The following ROBO2 variants were observed in gnomAD, a reference collection of about 807,000 sequenced individuals.
The protein encoded by ROBO2 is roundabout guidance receptor 2.
ROBO2 carries 53 observed loss-of-function variants against 160.8 expected under a neutral mutation model. That is an observed-to-expected ratio of 0.33 (90% CI 0.26 to 0.41). The LOEUF (loss-of-function observed/expected upper bound fraction) is 0.41, where lower values mean the gene tolerates loss of function less well. Among genes scored for constraint, ROBO2 ranks in the 10% least tolerant of loss-of-function variants. The probability of loss-of-function intolerance (pLI) is 1.00; values close to 1 mark genes in which losing one functional copy is unlikely to be tolerated. For synonymous variants in ROBO2, 664 were observed against 611.7 expected (o/e 1.09, Z -1.26); for missense variants, 1,577 against 1,722.4 (o/e 0.92, Z 1.49).
chr3:76,714,586 T>A (rs1472845064), intron 2 of ROBO2, among the ~76,000 whole-genome samples: 8 of 152,128 alleles, frequency 5.3e-5, no homozygotes. Context: ...ACAGAAATCT[T>A]AAGGGAACAG....
intron 2 of ROBO2, among the ~76,000 whole-genome samples, chr3:77,165,433 G>T (rs1421151670): frequency 2.7e-5 from 4 of 147,994 alleles, no homozygotes; most frequent in Admixed American, 2.0e-4. Context: ...GCGGAAGGCC[G>T]CAGGGTCCTC....
intron 2 of ROBO2, among the ~76,000 whole-genome samples, chr3:77,365,150 G>GAAAAAAAAAAAA: frequency 7.4e-6 from 1 of 134,350 alleles, no homozygotes. Flanking sequence ...TCCATCTCAG[G>GAAAAAAAAAAAA]AAAAAAAAAA....
chr3:76,684,991 C>T (rs936238019), intron 2 of ROBO2, among the ~76,000 whole-genome samples: 10 of 151,642 alleles, frequency 6.6e-5, no homozygotes, highest in Non-Finnish European at 1.2e-4. Context: ...AAAAGTCTTT[C>T]CACCACCCAT....
At chr3:76,365,173 A>G (rs573010759) in intron 2 of ROBO2, among the ~76,000 whole-genome samples, 23 of 152,134 alleles carry the variant, frequency 1.5e-4, no homozygotes, top group Admixed American at 5.9e-4. Context: ...TGGTAGTATC[A>G]CCTGTATCTG....
At chr3:76,897,130 A>T (rs1395748799) in intron 2 of ROBO2, among the ~76,000 whole-genome samples, 1 of 152,164 alleles carries the variant, frequency 6.6e-6, no homozygotes, top group African/African-American at 2.4e-5. Flanking sequence ...ATTGTACCTA[A>T]AACTACGTTA....
rs547010050 is a variant in ROBO2, at chr3:76,618,885, C to A, written c.110-479129C>A. ...TTGAATAGATTGATAGGAGAGCCCA[C>A]AAGAAAAACTAAAGTGTGTTCACCC... On this transcript the variant is annotated intron_variant, in intron 2 of 26. Coordinates refer to the ROBO2 transcript ENST00000487694. Among the ~76,000 whole-genome samples the A allele has an allele frequency of 5.0e-4, 76 of 151,854 alleles. 1 individual carries two copies. Among genetic ancestry groups the A allele is most frequent in the African/African-American group, 1.8e-3 (74 of 41,258 alleles).
At chr3:77,351,261 C>T (rs758205125) in intron 2 of ROBO2, among the ~76,000 whole-genome samples, 4 of 152,058 alleles carry the variant, frequency 2.6e-5, no homozygotes, top group Non-Finnish European at 4.4e-5. Context: ...GCGACATAAA[C>T]ATATCAAAAC....
chr3:77,407,864 G>A (rs548615146), intron 2 of ROBO2, among the ~76,000 whole-genome samples: 3 of 152,242 alleles, frequency 2.0e-5, no homozygotes, highest in South Asian at 2.1e-4. Context: ...AGTAAAACAA[G>A]ACTCATTAAT....
At chr3:76,289,139 A>G (rs1708677668) in intron 2 of ROBO2, among the ~76,000 whole-genome samples, 2 of 152,122 alleles carry the variant, frequency 1.3e-5, no homozygotes, top group Admixed American at 6.6e-5. Context: ...CCTTTTGTCC[A>G]CAACCTCACC....
chr3:75,969,119 T>A (rs1037481480), intron 2 of ROBO2, among the ~76,000 whole-genome samples: 3 of 149,162 alleles, frequency 2.0e-5, no homozygotes, highest in Non-Finnish European at 4.5e-5. Context: ...ATCTTTTTTT[T>A]AAGACTGAAT....
intron 2 of ROBO2, among the ~76,000 whole-genome samples, chr3:76,064,213 G>A (rs2068165257): frequency 6.6e-6 from 1 of 152,166 alleles, no homozygotes; most frequent in South Asian, 2.1e-4. Flanking sequence ...CCTGACCCAT[G>A]GAAAATGAAA....
chr3:77,466,298 C>G (rs1374994207), intron 2 of ROBO2, among the ~76,000 whole-genome samples: 1 of 152,048 alleles, frequency 6.6e-6, no homozygotes, highest in Non-Finnish European at 1.5e-5. Flanking sequence ...GTGGACATAT[C>G]AAATTTTAAT....
intron 1 of ROBO2, among the ~76,000 whole-genome samples, chr3:77,056,343 A>T (rs6806634): frequency 0.55 from 83,043 of 151,756 alleles, 24,979 homozygotes; most frequent in Middle Eastern, 0.7. Context: ...GTTTATAAAG[A>T]CCTAATTTTG....
intron 1 of ROBO2, among the ~76,000 whole-genome samples, chr3:77,075,702 G>T (rs2067919991): frequency 1.0e-5 from 1 of 97,060 alleles, no homozygotes; most frequent in Non-Finnish European, 1.8e-5. Flanking sequence ...TTTTGAGATG[G>T]AGTCTTGCTC....
intron 2 of ROBO2, among the ~76,000 whole-genome samples, chr3:77,107,199 A>G (rs543821265): frequency 6.6e-6 from 1 of 152,170 alleles, no homozygotes; most frequent in African/African-American, 2.4e-5. Flanking sequence ...TGACCTAATC[A>G]TCTTCCAAAC....
chr3:75,929,915 G>C (rs531268528), intron 1 of ROBO2, among the ~76,000 whole-genome samples: 1 of 152,020 alleles, frequency 6.6e-6, no homozygotes, highest in African/African-American at 2.4e-5. Flanking sequence ...GGCTGGTCTC[G>C]AACTCCTGAC....
chr3:77,365,740 G>A (rs2070762651), intron 2 of ROBO2, among the ~76,000 whole-genome samples: 1 of 129,638 alleles, frequency 7.7e-6, no homozygotes, highest in Admixed American at 8.1e-5. Context: ...TCACATTTTT[G>A]TGCTGATAAG....
rs775463884 is a variant in ROBO2, at chr3:76,428,715, A to G, written c.109+491113A>G. Among the ~76,000 whole-genome samples, 6 of 152,218 alleles carry G rather than the reference A, an allele frequency of 3.9e-5. 1 individual carries two copies. In the South Asian group the frequency reaches 6.2e-4, roughly 16 times the overall value. On this transcript the variant is annotated intron_variant, in intron 2 of 26. Coordinates refer to the ROBO2 transcript ENST00000487694. ...ATTAGATTTGGTTTTACATTTGACT[A>G]CTATTATTAGTGGACAGAAAATACT...
chr3:75,917,094 A>C (rs1946845084), intron 1 of ROBO2, among the ~76,000 whole-genome samples: 2 of 152,144 alleles, frequency 1.3e-5, no homozygotes, highest in South Asian at 4.1e-4. Flanking sequence ...ATAGGTATAC[A>C]TGTACCATGG....
Sources: allele counts gnomAD v4.1 joint callset (sites outside exome capture counted in the v4.1 genomes callset), GRCh38; gene constraint gnomAD v4.1.1; transcripts MANE v1.5; gene names NCBI Gene and HGNC (gene_info 2026-07-23, HGNC 2026-07-21).